The following IGSF21 variants were observed in gnomAD, a reference collection of about 807,000 sequenced individuals.
IGSF21 encodes immunoglobulin superfamily member 21.
IGSF21 carries 28 observed loss-of-function variants against 46.8 expected under a neutral mutation model. The observed-to-expected ratio is 0.60, with a 90% CI of 0.44 to 0.82. The LOEUF (loss-of-function observed/expected upper bound fraction) is 0.82. Among genes scored for constraint, IGSF21 ranks in the 40% least tolerant of loss-of-function variants. IGSF21 has a pLI of 0.00. For synonymous variants in IGSF21, 284 were observed against 273.6 expected (o/e 1.04, Z -0.38); for missense variants, 624 against 665.5 (o/e 0.94, Z 0.69).
chr1:18,149,466 G>A (rs925946148), intron 1 of IGSF21, among the ~76,000 whole-genome samples: 1 of 152,152 alleles, frequency 6.6e-6, no homozygotes, highest in East Asian at 1.9e-4. Context: ...GAATGCTGGC[G>A]AATCACAGAG....
intron 2 of IGSF21, among the ~76,000 whole-genome samples, chr1:18,279,918 A>G (rs1354311733): frequency 1.3e-5 from 2 of 152,246 alleles, no homozygotes; most frequent in Non-Finnish European, 2.9e-5. Context: ...AATTGTGCAC[A>G]GCGCCTGCTA....
intron 3 of IGSF21, among the ~76,000 whole-genome samples, chr1:18,315,734 G>A (rs1019128012): frequency 6.6e-6 from 1 of 152,054 alleles, no homozygotes; most frequent in Non-Finnish European, 1.5e-5. Context: ...ATGGATAGAT[G>A]GCTAGATAAG....
rs777821235 is a variant in IGSF21, at chr1:18,334,684, C to T, written c.306-208C>T. 2.0e-5 allele frequency among the ~76,000 whole-genome samples: 3 copies of T among 152,198 alleles called. No individual in the cohort carries two copies. Among genetic ancestry groups the T allele is most frequent in the Non-Finnish European group, 4.4e-5 (3 of 68,028 alleles). Reference sequence around the variant, plus strand: ...GCACAAATTGGGCTCTGGCTGAACACAGTCCACACCTTCACTGTCTGAGAT... The same window carrying T: ...GCACAAATTGGGCTCTGGCTGAACATAGTCCACACCTTCACTGTCTGAGAT... On this transcript the variant is annotated intron_variant, in intron 3 of 9. Transcript: ENST00000251296. The surrounding 1 kb of genome is among the most constrained non-coding windows in gnomAD (Gnocchi z 4.3).
At chr1:18,225,494 C>A (rs2084557640) in intron 1 of IGSF21, among the ~76,000 whole-genome samples, 1 of 152,176 alleles carries the variant, frequency 6.6e-6, no homozygotes, top group Non-Finnish European at 1.5e-5. Context: ...CACAGGCACA[C>A]ACCATCTGCA....
chr1:18,311,165 G>C (rs2085484806), intron 3 of IGSF21, among the ~76,000 whole-genome samples: 2 of 152,146 alleles, frequency 1.3e-5, no homozygotes, highest in Non-Finnish European at 2.9e-5. Flanking sequence ...CTGCCAGCAG[G>C]ATATGAGAGC....
At chr1:18,120,193 G>T (rs895789402) in intron 1 of IGSF21, among the ~76,000 whole-genome samples, 2 of 152,248 alleles carry the variant, frequency 1.3e-5, no homozygotes, top group African/African-American at 4.8e-5. Flanking sequence ...GCAGCCCCTT[G>T]GAGCTAGAAG....
intron 1 of IGSF21, among the ~76,000 whole-genome samples, chr1:18,197,214 G>C (rs1000534912): frequency 2.6e-5 from 4 of 152,196 alleles, no homozygotes; most frequent in Non-Finnish European, 2.9e-5. Flanking sequence ...ACAAGGTCAT[G>C]GGCGGGCAAC....
chr1:18,127,834 G>C lies in IGSF21; in HGVS notation c.70+19636G>C, dbSNP rs369691732. ...TGAAGTGGGAGGATCACTTGAACCCGGGAAGTCGAGGTTATAGTGAGCCAT... is the reference window on the plus strand; with the variant it reads ...TGAAGTGGGAGGATCACTTGAACCCCGGAAGTCGAGGTTATAGTGAGCCAT... On this transcript the variant is annotated intron_variant, in intron 1 of 9. Coordinates refer to ENST00000251296, the MANE Select transcript of IGSF21 (RefSeq NM_032880.5). Among the ~76,000 whole-genome samples, 3 of 152,122 alleles carry C rather than the reference G, an allele frequency of 2.0e-5. No individual in the cohort carries two copies. The East Asian group carries it at 5.8e-4, about 29-fold the overall frequency.
At chr1:18,295,631 A>G (rs1429697781) in intron 3 of IGSF21, among the ~76,000 whole-genome samples, 1 of 152,082 alleles carries the variant, frequency 6.6e-6, no homozygotes, top group Non-Finnish European at 1.5e-5. Context: ...GCCCTCTGTG[A>G]AAGGGAGGAG....
intron 5 of IGSF21, among the ~76,000 whole-genome samples, chr1:18,363,356 G>A (rs2086123408): frequency 6.6e-6 from 1 of 152,198 alleles, no homozygotes; most frequent in Admixed American, 6.5e-5. Context: ...GCGGCCTTGG[G>A]AATCTAGGCC....
At chr1:18,273,364 C>G (rs560335532) in intron 2 of IGSF21, among the ~76,000 whole-genome samples, 36 of 129,988 alleles carry the variant, frequency 2.8e-4, no homozygotes, top group African/African-American at 1.1e-3. Context: ...CCTTTCCTTT[C>G]CTTTCCTTTC....
intron 1 of IGSF21, among the ~76,000 whole-genome samples, chr1:18,162,032 T>G (rs1399274649): frequency 2.0e-5 from 3 of 152,108 alleles, no homozygotes; most frequent in Non-Finnish European, 2.9e-5. Context: ...TCTTTCTTTC[T>G]TTTTCCTTTT....
chr1:18,154,670 G>C (rs1264617119), intron 1 of IGSF21, among the ~76,000 whole-genome samples: 3 of 151,762 alleles, frequency 2.0e-5, no homozygotes, highest in Non-Finnish European at 4.4e-5. Context: ...GATGTGGGGA[G>C]GGGTGGGGGT....
At chr1:18,170,140 G>C (rs1446593655) in intron 1 of IGSF21, among the ~76,000 whole-genome samples, 3 of 152,196 alleles carry the variant, frequency 2.0e-5, no homozygotes, top group African/African-American at 7.2e-5. Flanking sequence ...GTTATAGGGA[G>C]CCACATGGGC....
In IGSF21 at chr1:18,335,797, C is replaced by T. The variant is rs190852732; in HGVS notation, c.424+787C>T. Among the ~76,000 whole-genome samples the T allele has an allele frequency of 4.3e-4, 65 of 152,286 alleles. No individual in the cohort carries two copies. The highest frequency in any genetic ancestry group is 1.7e-3 in the South Asian group (8 of 4,826). ...GCATAAAGGCCCTGCTGAAAGCCGC[C>T]GCTTCTGGGGAAATTGAAAACCTCC... On this transcript the variant is annotated intron_variant, in intron 4 of 9. Coordinates refer to ENST00000251296, the MANE Select transcript of IGSF21 (RefSeq NM_032880.5). The surrounding 1 kb of genome is among the most constrained non-coding windows in gnomAD (Gnocchi z 4.8).
intron 2 of IGSF21, among the ~76,000 whole-genome samples, chr1:18,241,160 G>A (rs1479686851): frequency 2.0e-5 from 3 of 152,202 alleles, no homozygotes; most frequent in Non-Finnish European, 2.9e-5. Context: ...GAATTTTATA[G>A]GGTTCAGAAG....
intron 1 of IGSF21, among the ~76,000 whole-genome samples, chr1:18,223,118 A>G (rs889036981): frequency 6.6e-6 from 1 of 152,240 alleles, no homozygotes; most frequent in Non-Finnish European, 1.5e-5. Flanking sequence ...GCTCATTGCC[A>G]GGCTCTGACC....
intron 3 of IGSF21, among the ~76,000 whole-genome samples, chr1:18,311,590 A>T (rs1403438018): frequency 6.6e-6 from 1 of 152,174 alleles, no homozygotes; most frequent in Non-Finnish European, 1.5e-5. Context: ...CTCCTGTATT[A>T]GTCTGTTCTC....
chr1:18,226,324 C>T (rs377479423), intron 1 of IGSF21, among the ~76,000 whole-genome samples: 2 of 152,168 alleles, frequency 1.3e-5, no homozygotes, highest in African/African-American at 4.8e-5. Flanking sequence ...CCTGGAGGGC[C>T]GAGCAATGCC....
Sources: gnomAD v4.1 joint callset for allele counts (sites outside exome capture counted in the v4.1 genomes callset) on GRCh38, gnomAD v4.1.1 for gene constraint, Gnocchi (gnomAD v3.1) non-coding constraint, MANE v1.5 for transcripts, NCBI Gene and HGNC (gene_info 2026-07-23, HGNC 2026-07-21) for gene names.